RALYL: variants seen among roughly 807,000 people sequenced by gnomAD.
The protein encoded by RALYL is RNA-binding Raly-like protein.
In RALYL, 29 loss-of-function variants were observed where a neutral mutation model predicts 35.1. The observed-to-expected ratio is 0.83, with a 90% confidence interval of 0.61 to 1.13. The LOEUF (loss-of-function observed/expected upper bound fraction) is 1.13, where lower values mean the gene tolerates loss of function less well. Among genes scored for constraint, RALYL ranks in the 50% most tolerant of loss-of-function variants. The pLI is 0.00. For missense variants in RALYL, 359 were observed against 360.4 expected (o/e 1.00, Z 0.03); for synonymous variants, 120 against 127.6 (o/e 0.94, Z 0.40).
intron 2 of RALYL, among the ~76,000 whole-genome samples, chr8:84,612,391 A>T (rs1439283909): frequency 6.6e-6 from 1 of 152,012 alleles, no homozygotes; most frequent in Non-Finnish European, 1.5e-5. Flanking sequence ...GAGCATACTT[A>T]AGTTGTAACA....
intron 1 of RALYL, among the ~76,000 whole-genome samples, chr8:84,445,354 T>TC (rs2048740762): frequency 6.6e-6 from 1 of 152,008 alleles, no homozygotes; most frequent in Admixed American, 6.6e-5. Context: ...TTGTTTGCCA[T>TC]CCACTCAATA....
intron 1 of RALYL, among the ~76,000 whole-genome samples, chr8:84,282,565 C>G (rs1438634123): frequency 6.6e-6 from 1 of 151,896 alleles, no homozygotes; most frequent in Non-Finnish European, 1.5e-5. Context: ...TTTAGCTGCA[C>G]AAAGACCCAG....
chr8:84,818,288 A>G (rs1296154257), intron 4 of RALYL, among the ~76,000 whole-genome samples: 4 of 152,232 alleles, frequency 2.6e-5, no homozygotes, highest in Non-Finnish European at 5.9e-5. Flanking sequence ...TTGGTAGCAG[A>G]ACACATAAAA....
chr8:84,714,314 A>C (rs1053556044), intron 2 of RALYL, among the ~76,000 whole-genome samples: 1 of 151,826 alleles, frequency 6.6e-6, no homozygotes, highest in Non-Finnish European at 1.5e-5. Flanking sequence ...TATAAAAGCA[A>C]TACGTTCAGG....
chr8:84,593,682 G>A (rs896129330), intron 2 of RALYL, among the ~76,000 whole-genome samples: 2 of 152,070 alleles, frequency 1.3e-5, no homozygotes, highest in Admixed American at 6.6e-5. Context: ...TAATTTCACA[G>A]ATTGTGTCTT....
chr8:84,846,062 G>A lies in RALYL; in HGVS notation c.366-3918G>A, dbSNP rs1176280424. ...AGCCTTGTAGTATAGTTTGAAGTAG[G>A]ATAATGTGATGCCTCTTGCTTTGTT... On this transcript the variant is annotated intron_variant, in intron 4 of 8. Transcript: ENST00000521268. Among the ~76,000 whole-genome samples, 4 of 152,170 alleles carry A rather than the reference G, an allele frequency of 2.6e-5. No homozygotes were observed. The East Asian group carries it at 7.7e-4, about 29-fold the overall frequency.
At chr8:84,306,156 TCCG>T (rs1841747273) in intron 1 of RALYL, among the ~76,000 whole-genome samples, 1 of 149,322 alleles carries the variant, frequency 6.7e-6, no homozygotes. Flanking sequence ...AGAGCGAGAC[TCCG>T]TCTAAAAAAA....
Position 84,193,024 on chromosome 8 carries a change from A to AT in RALYL, c.-24+8608dup, listed in dbSNP as rs200674363. On this transcript the variant is annotated intron_variant, in intron 1 of 8. Coordinates refer to ENST00000521268, the MANE Select transcript of RALYL (RefSeq NM_173848.7). ...TCTTTCTAGTATTCCATCTATTTGAATTTTTTTTCGTAAGGAAAGTTGAAT... is the reference window on the plus strand; with the variant it reads ...TCTTTCTAGTATTCCATCTATTTGAATTTTTTTTTCGTAAGGAAAGTTGAAT... 2.0e-5 allele frequency among the ~76,000 whole-genome samples: 3 copies of AT among 151,520 alleles called. No homozygotes were observed. In the South Asian group the frequency reaches 6.3e-4, roughly 32 times the overall value.
At chr8:84,389,722 A>C (rs1860153194) in intron 1 of RALYL, among the ~76,000 whole-genome samples, 3 of 150,386 alleles carry the variant, frequency 2.0e-5, no homozygotes, top group Middle Eastern at 6.8e-3. Context: ...GAAGTTGCTT[A>C]TCAGCTTAAG....
intron 3 of RALYL, among the ~76,000 whole-genome samples, chr8:84,784,739 C>T (rs985568340): frequency 1.4e-4 from 22 of 151,986 alleles, no homozygotes; most frequent in Admixed American, 2.6e-4. Context: ...ATTATAAGTA[C>T]TAGAAGTGAA....
intron 1 of RALYL, among the ~76,000 whole-genome samples, chr8:84,269,522 A>G (rs1563642161): frequency 1.3e-5 from 2 of 152,186 alleles, no homozygotes; most frequent in Non-Finnish European, 2.9e-5. Flanking sequence ...CAATTCCATT[A>G]TCTATTTTAA....
At chr8:84,193,110 C>T (rs1308802822) in intron 1 of RALYL, among the ~76,000 whole-genome samples, 1 of 151,790 alleles carries the variant, frequency 6.6e-6, no homozygotes, top group Admixed American at 6.6e-5. Flanking sequence ...AAGCAGAAGT[C>T]CAATTGCCCA....
intron 1 of RALYL, among the ~76,000 whole-genome samples, chr8:84,196,866 A>G (rs932695035): frequency 3.3e-5 from 5 of 152,228 alleles, no homozygotes; most frequent in Admixed American, 1.3e-4. Context: ...TGACTAAGAA[A>G]TATTAAATTT....
chr8:84,467,369 C>T (rs1008758370), intron 1 of RALYL, among the ~76,000 whole-genome samples: 3 of 151,838 alleles, frequency 2.0e-5, no homozygotes, highest in African/African-American at 7.3e-5. Context: ...TTTCAAAGAA[C>T]ATCTTTATTT....
chr8:84,852,732 C>T (rs1024773491), intron 5 of RALYL, among the ~76,000 whole-genome samples: 1 of 152,136 alleles, frequency 6.6e-6, no homozygotes, highest in Non-Finnish European at 1.5e-5. Flanking sequence ...GTTCTTGGGT[C>T]TTGCAAGAAG....
chr8:84,187,200 A>G (rs943540340), intron 1 of RALYL, among the ~76,000 whole-genome samples: 2 of 152,136 alleles, frequency 1.3e-5, no homozygotes, highest in Admixed American at 6.5e-5. Flanking sequence ...TCACAAAATG[A>G]AAACCTGTTA....
intron 1 of RALYL, among the ~76,000 whole-genome samples, chr8:84,363,570 T>G (rs935422870): frequency 1.3e-5 from 2 of 152,212 alleles, no homozygotes; most frequent in Non-Finnish European, 2.9e-5. Flanking sequence ...ATGTTGACAC[T>G]GCAAAATCAC....
chr8:84,226,120 G>A lies in RALYL; in HGVS notation c.-24+41696G>A, dbSNP rs1324371596. Reference sequence around the variant, plus strand: ...CTTTACTGCCTTAGCTCCATCTCCTGTCAGATCAGCAGTGGCATTAGATTC... The same window carrying A: ...CTTTACTGCCTTAGCTCCATCTCCTATCAGATCAGCAGTGGCATTAGATTC... On this transcript the variant is annotated intron_variant, in intron 1 of 8. Coordinates refer to ENST00000521268, the MANE Select transcript of RALYL (RefSeq NM_173848.7). 2.0e-5 allele frequency among the ~76,000 whole-genome samples: 3 copies of A among 152,264 alleles called. No homozygotes were observed. The East Asian group carries it at 5.8e-4, about 30-fold the overall frequency.
rs1449234188 is a variant in RALYL, at chr8:84,921,272, T to C, written c.*361T>C. 9 of 166,414 alleles carry C rather than the reference T, an allele frequency of 5.4e-5. No homozygotes were observed. The highest frequency in any genetic ancestry group is 1.0e-4 in the Non-Finnish European group (8 of 77,712). 10.3% of individuals were successfully genotyped at this position (166,414 alleles called of 1,614,324 possible). A position where few individuals can be genotyped will look rare whatever the true frequency, so the allele number is the denominator to read the frequency against. The stretch of plus-strand genomic sequence containing the variant: ...TTAGCATGTTTCACTGTTGATCATA[T>C]ATAAAGTCAGGTGATATTGCAATTC... On this transcript the variant is annotated 3_prime_UTR_variant, in exon 9 of 9. Transcript: ENST00000521268.
Sources: allele counts gnomAD v4.1 joint callset (sites outside exome capture counted in the v4.1 genomes callset), GRCh38; gene constraint gnomAD v4.1.1; transcripts MANE v1.5; gene names NCBI Gene and HGNC (gene_info 2026-07-23, HGNC 2026-07-21).